The following TSPEAR variants were observed in gnomAD, a reference collection of about 807,000 sequenced individuals.
The protein encoded by TSPEAR is thrombospondin type laminin G domain and EAR repeats.
A neutral mutation model predicts 71.6 loss-of-function variants in TSPEAR; 69 were observed. That is an observed-to-expected ratio of 0.96 (90% CI 0.79 to 1.18). The LOEUF (loss-of-function observed/expected upper bound fraction) is 1.18, where lower values mean the gene tolerates loss of function less well. Among genes scored for constraint, TSPEAR ranks in the 50% most tolerant of loss-of-function variants. TSPEAR has a pLI of 0.00. For missense variants in TSPEAR, 971 were observed against 894.9 expected (o/e 1.09, Z -1.09); for synonymous variants, 402 against 387.2 (o/e 1.04, Z -0.45).
intron 1 of TSPEAR, chr21:44,654,650 G>C: frequency 7.2e-7 from 1 of 1,392,866 alleles, no homozygotes; most frequent in South Asian, 1.4e-5. Flanking sequence ...GCAGAGGACA[G>C]GGCTGGTCTG....
chr21:44,669,333 G>A (rs1985944154), intron 1 of TSPEAR, among the ~76,000 whole-genome samples: 1 of 152,190 alleles, frequency 6.6e-6, no homozygotes, highest in Non-Finnish European at 1.5e-5. Context: ...TGAGGCAGGA[G>A]AATCACTTGA....
intron 1 of TSPEAR, among the ~76,000 whole-genome samples, chr21:44,671,912 G>C (rs376989700): frequency 3.3e-5 from 5 of 152,108 alleles, no homozygotes; most frequent in Non-Finnish European, 5.9e-5. Flanking sequence ...AGGATATTCT[G>C]TGAGATATAA....
At chr21:44,532,474 A>T (rs1387636811) in intron 3 of TSPEAR, among the ~76,000 whole-genome samples, 1 of 152,086 alleles carries the variant, frequency 6.6e-6, no homozygotes, top group Non-Finnish European at 1.5e-5. Flanking sequence ...GGACCTGAGA[A>T]CTCATCACCG....
intron 1 of TSPEAR, chr21:44,657,799 G>A (rs868940092): frequency 9.6e-6 from 6 of 624,048 alleles, no homozygotes; most frequent in African/African-American, 3.7e-5. Context: ...GGAGCATGAC[G>A]CGGGAAAGTA....
rs1293820699 is a variant in TSPEAR, at chr21:44,711,307, G to A, written c.82+126C>T. 1.2e-6 allele frequency: 1 copy of A among 856,372 alleles called. No homozygotes were observed. Among genetic ancestry groups the A allele is most frequent in the African/African-American group, 1.7e-5 (1 of 59,462 alleles). 53.0% of individuals were successfully genotyped at this position (856,372 alleles called of 1,614,324 possible). ...CATCTCCACAGGGTGCTACCTGCCA[G>A]TCCTGCCAAAGCGTCCTCGGGCACC... On this transcript the variant is annotated intron_variant, in intron 1 of 11. Coordinates refer to ENST00000323084, the MANE Select transcript of TSPEAR (RefSeq NM_144991.3). The surrounding 1 kb of genome is among the most constrained non-coding windows in gnomAD (Gnocchi z 4.5).
At chr21:44,589,015 G>T (rs762697117) in intron 1 of TSPEAR, among the ~76,000 whole-genome samples, 14 of 152,044 alleles carry the variant, frequency 9.2e-5, no homozygotes, top group Non-Finnish European at 1.9e-4. Flanking sequence ...GGGCGGGAAG[G>T]GGGTGATGGA....
intron 1 of TSPEAR, chr21:44,601,517 C>A: frequency 6.2e-7 from 1 of 1,613,476 alleles, no homozygotes; most frequent in South Asian, 1.1e-5. Flanking sequence ...GCTTGCTGCA[C>A]CACCTCCTGC....
intron 1 of TSPEAR, among the ~76,000 whole-genome samples, chr21:44,690,131 G>A (rs1210028921): frequency 2.7e-5 from 4 of 148,738 alleles, no homozygotes; most frequent in African/African-American, 1.0e-4. Flanking sequence ...ATCACCATGA[G>A]GTTGAGAAAT....
chr21:44,537,669 G>A (rs974724299), intron 2 of TSPEAR, among the ~76,000 whole-genome samples: 2 of 152,084 alleles, frequency 1.3e-5, no homozygotes, highest in South Asian at 4.1e-4. Context: ...TTAAATCTAA[G>A]CAATAACAAT....
intron 1 of TSPEAR, chr21:44,666,170 A>C (rs1440653140): frequency 8.8e-6 from 4 of 455,114 alleles, no homozygotes; most frequent in African/African-American, 3.9e-5. Context: ...ATAAAAAAGA[A>C]AGACCAGAAA....
In TSPEAR at chr21:44,563,015, A is replaced by T. The variant is rs148831002; in HGVS notation, c.303+4770T>A. Among the ~76,000 whole-genome samples, 297 of 152,334 alleles carry T rather than the reference A, an allele frequency of 1.9e-3. 1 individual carries two copies. The highest frequency in any genetic ancestry group is 7.0e-3 in the African/African-American group (290 of 41,586). ...TTCTCTTAACTGATTTTTAAAAAGC[A>T]ATATAAAAAGGTATATTTGGTGTTG... On this transcript the variant is annotated intron_variant, in intron 2 of 11. Coordinates refer to ENST00000323084, the MANE Select transcript of TSPEAR (RefSeq NM_144991.3).
intron 1 of TSPEAR, among the ~76,000 whole-genome samples, chr21:44,668,417 A>G (rs910519509): frequency 6.6e-6 from 1 of 152,248 alleles, no homozygotes; most frequent in Non-Finnish European, 1.5e-5. Flanking sequence ...ATGGAAACAC[A>G]TCCCATGTTC....
intron 1 of TSPEAR, chr21:44,627,563 G>A (rs782342503): frequency 8.1e-6 from 13 of 1,613,318 alleles, no homozygotes; most frequent in Non-Finnish European, 1.1e-5. Context: ...CCAGCTTGCT[G>A]TGCCTCTTCC....
chr21:44,505,934 C>G (rs1330772637), intron 10 of TSPEAR, among the ~76,000 whole-genome samples: 5 of 152,138 alleles, frequency 3.3e-5, no homozygotes, highest in Non-Finnish European at 5.9e-5. Context: ...GCTGCTGGTG[C>G]CTGCTGGAGG....
intron 1 of TSPEAR, among the ~76,000 whole-genome samples, chr21:44,707,594 C>CG (rs1988000329): frequency 6.6e-6 from 1 of 151,772 alleles, no homozygotes; most frequent in South Asian, 2.1e-4. Context: ...GGGGGCGGAG[C>CG]GGGGGAAAAG....
At chr21:44,547,107 A>G (rs2053314532) in intron 2 of TSPEAR, among the ~76,000 whole-genome samples, 1 of 152,208 alleles carries the variant, frequency 6.6e-6, no homozygotes, top group South Asian at 2.1e-4. Context: ...ACTAGAGTAT[A>G]TTAATTCGTC....
At chr21:44,630,709 C>T (rs587667431) in intron 1 of TSPEAR, among the ~76,000 whole-genome samples, 4 of 151,912 alleles carry the variant, frequency 2.6e-5, no homozygotes, top group East Asian at 3.9e-4. Context: ...GGAAGGCAGT[C>T]GCAAACCGCC....
rs548334607 is a variant in TSPEAR at position 44,710,289 on chromosome 21, C to G, written c.82+1144G>C. Among the ~76,000 whole-genome samples, 1 of 152,336 alleles carries G rather than the reference C, an allele frequency of 6.6e-6. No homozygotes were observed. Among genetic ancestry groups the G allele is most frequent in the South Asian group, 2.1e-4 (1 of 4,832 alleles). On this transcript the variant is annotated intron_variant, in intron 1 of 11. Transcript: ENST00000323084. This position sits in a 1 kb window ranked among gnomAD's most constrained non-coding sequence, Gnocchi z 4.6. ...GGTGCAGCTGTGCGGGAGCTTCAGT[C>G]CTGTCCCCAACACCCAGGCAGTAAT...
Position 44,525,827 on chromosome 21 carries a change from C to T in TSPEAR, c.1162G>A (p.Val388Met), listed in dbSNP as rs1318971093. Residue 388 changes from valine to methionine, a missense_variant, in exon 8 of 12, where the codon GTG (valine) becomes ATG (methionine). Val to Met is a conservative substitution (Grantham distance 21). Transcript: ENST00000323084. ...TTCTCATCTGGTTCAAAATTAGCCA[C>T]TGCCAGGAAGATCTGAAAGAGAGTA... ...FTIGKKIFLA[V>M]ANFEPDEKGQ... The T allele has an allele frequency of 3.7e-6, 6 of 1,614,006 alleles. No homozygotes were observed. The highest frequency in any genetic ancestry group is 3.3e-4 in the Middle Eastern group (2 of 6,084).
Sources: gnomAD v4.1 joint callset for allele counts (sites outside exome capture counted in the v4.1 genomes callset) on GRCh38, gnomAD v4.1.1 for gene constraint, Gnocchi (gnomAD v3.1) non-coding constraint, MANE v1.5 for transcripts, NCBI Gene and HGNC (gene_info 2026-07-23, HGNC 2026-07-21) for gene names.